CDH11: variants seen among roughly 807,000 people sequenced by gnomAD.
CDH11 encodes cadherin 11.
CDH11 carries 11 observed loss-of-function variants against 67.8 expected under a neutral mutation model. The observed-to-expected ratio is 0.16, with a 90% confidence interval of 0.10 to 0.27. The LOEUF is 0.27. CDH11 is among the 10% of genes least tolerant of loss of function. The pLI is 1.00. For synonymous variants in CDH11, 419 were observed against 400.0 expected (o/e 1.05, Z -0.57); for missense variants, 847 against 1,031.2 (o/e 0.82, Z 2.45).
chr16:65,110,782 G>A lies in CDH11; in HGVS notation c.-298+11098C>T, dbSNP rs558002903. 2.5e-4 allele frequency among the ~76,000 whole-genome samples: 38 copies of A among 152,142 alleles called. 1 individual carries two copies. In the South Asian group the frequency reaches 7.1e-3, roughly 28 times the overall value. ...CTCTCTGGCCCTTTAAGCCCCTGGA[G>A]TAGAAGGAACTCTCTTCCTCCTATA... On this transcript the variant is annotated intron_variant, in intron 1 of 12. Transcript: ENST00000268603.
Position 65,004,858 on chromosome 16 carries a change from G to C in CDH11, c.12C>G (p.Asn4Lys). ...ACACCAGGGCGGCTTGTAAACAGTA[G>C]TTCTCCTTCATTTTTGGTTACGTGG... MKE[N>K]YCLQAALVCL... Residue 4 changes from asparagine (N) to lysine (K), a missense_variant, in exon 3 of 13, where the codon AAC becomes AAG. Physicochemically the swap from Asn to Lys is moderately conservative, Grantham distance 94. Transcript: ENST00000268603. The C allele has an allele frequency of 6.5e-7, 1 of 1,531,762 alleles. No homozygotes were observed. The highest frequency in any genetic ancestry group is 2.5e-5 in the East Asian group (1 of 40,674). 94.9% of individuals were successfully genotyped at this position (1,531,762 alleles called of 1,614,324 possible). A position where few individuals can be genotyped will look rare whatever the true frequency, so the allele number is the denominator to read the frequency against.
intron 2 of CDH11, among the ~76,000 whole-genome samples, chr16:65,040,299 C>G (rs1411546060): frequency 2.0e-5 from 3 of 152,260 alleles, no homozygotes; most frequent in Non-Finnish European, 2.9e-5. Flanking sequence ...AGACTTGGAA[C>G]CAACCCAAAT....
chr16:65,112,004 A>T (rs896727834), intron 1 of CDH11, among the ~76,000 whole-genome samples: 10 of 143,294 alleles, frequency 7.0e-5, no homozygotes, highest in Admixed American at 6.6e-4. Context: ...CGGGAAGTGG[A>T]GGTTGCAATG....
intron 2 of CDH11, among the ~76,000 whole-genome samples, chr16:65,043,206 T>C (rs1472597382): frequency 6.6e-6 from 1 of 152,198 alleles, no homozygotes; most frequent in African/African-American, 2.4e-5. Context: ...GAATAAGCAT[T>C]CAGTGAAAAC....
intron 2 of CDH11, among the ~76,000 whole-genome samples, chr16:65,005,537 T>C (rs753168752): frequency 2.0e-5 from 3 of 152,170 alleles, no homozygotes; most frequent in Non-Finnish European, 4.4e-5. Flanking sequence ...CTCCAAGATG[T>C]TCAGCATGCC....
At chr16:65,068,002 G>T in intron 1 of CDH11, among the ~76,000 whole-genome samples, 1 of 89,102 alleles carries the variant, frequency 1.1e-5, no homozygotes, top group Middle Eastern at 9.1e-3. Flanking sequence ...GAGGGAAGAA[G>T]GGAGGGAGAG....
At chr16:64,998,022 C>A (rs182346574) in intron 4 of CDH11, among the ~76,000 whole-genome samples, 1 of 152,240 alleles carries the variant, frequency 6.6e-6, no homozygotes, top group African/African-American at 2.4e-5. Context: ...TTGAATAAAT[C>A]CTTTAAAAAA....
chr16:65,043,667 G>A (rs189736702), intron 2 of CDH11, among the ~76,000 whole-genome samples: 1 of 152,328 alleles, frequency 6.6e-6, no homozygotes, highest in Admixed American at 6.5e-5. Flanking sequence ...CTGGGGAACT[G>A]GGTGGTGCAT....
At chr16:65,038,944 G>T (rs1048117177) in intron 2 of CDH11, among the ~76,000 whole-genome samples, 1 of 152,184 alleles carries the variant, frequency 6.6e-6, no homozygotes, top group Admixed American at 6.5e-5. Flanking sequence ...ACTCTCTGCA[G>T]AGACACATCA....
intron 2 of CDH11, among the ~76,000 whole-genome samples, chr16:65,033,661 C>T (rs1015355881): frequency 3.3e-5 from 5 of 149,968 alleles, no homozygotes; most frequent in African/African-American, 1.3e-4. Context: ...CGCTTGAAAC[C>T]GGGAGGTGGA....
rs2071159840 is a variant in CDH11 at position 64,944,399 on chromosome 16, T to C, written c.*3204A>G. 4.3e-6 allele frequency: 1 copy of C among 232,484 alleles called. No homozygotes were observed. Among genetic ancestry groups the C allele is most frequent in the African/African-American group, 2.2e-5 (1 of 45,294 alleles). The allele number at this position is 232,484 out of a possible 1,614,324, so 14.4% of individuals were successfully genotyped here. ...TTTCAGGCCCTCATTCTATCTCATA[T>C]TGACCTTTGCAAAAGCCCTCCTGGG... On this transcript the variant is annotated 3_prime_UTR_variant, in exon 13 of 13. Transcript: ENST00000268603.
At chr16:64,983,322 G>C (rs375241261) in intron 7 of CDH11, 32 of 152,240 alleles carry the variant, frequency 2.1e-4, no homozygotes, top group African/African-American at 7.7e-4. Flanking sequence ...GAGTTACAGT[G>C]AATCAGTCAG....
At chr16:65,026,337 T>C in intron 2 of CDH11, among the ~76,000 whole-genome samples, 1 of 152,210 alleles carries the variant, frequency 6.6e-6, no homozygotes, top group African/African-American at 2.4e-5. Context: ...CCCTTTGGTC[T>C]GTATTTAGTT....
chr16:64,989,200 G>A (rs182798865), intron 6 of CDH11, among the ~76,000 whole-genome samples: 79 of 152,086 alleles, frequency 5.2e-4, no homozygotes, highest in African/African-American at 1.8e-3. Flanking sequence ...TGTGGTTGTG[G>A]GTGTGTAAGT....
chr16:64,958,085 G>A (rs780208145), intron 11 of CDH11, among the ~76,000 whole-genome samples: 5 of 152,136 alleles, frequency 3.3e-5, no homozygotes, highest in Admixed American at 1.3e-4. Flanking sequence ...ACAGCCCATC[G>A]TGACTGAATG....
In CDH11 at chr16:64,963,680, G is replaced by T. The variant is rs145546620; in HGVS notation, c.1642+7899C>A. ...ATATTCAAACTACAGAAAAATCAAA[G>T]ATTTTTTAAAAATGCTGAAAGAGGT... On this transcript the variant is annotated intron_variant, in intron 11 of 12. Transcript: ENST00000268603. 2.6e-5 allele frequency among the ~76,000 whole-genome samples: 4 copies of T among 152,016 alleles called. No homozygotes were observed. In the East Asian group the frequency reaches 7.7e-4, roughly 29 times the overall value.
chr16:65,025,909 G>T (rs1416373823), intron 2 of CDH11, among the ~76,000 whole-genome samples: 1 of 152,142 alleles, frequency 6.6e-6, no homozygotes, highest in East Asian at 1.9e-4. Flanking sequence ...AGGTAGTGGG[G>T]AGAGGAGGGA....
At position 64,988,293 on chromosome 16, in the gene CDH11, C is replaced by T; in HGVS notation, c.863G>A (p.Gly288Glu). The T allele has an allele frequency of 1.2e-6, 2 of 1,613,672 alleles. No homozygotes were observed. The highest frequency in any genetic ancestry group is 1.7e-5 in the Admixed American group (1 of 59,982). The change falls in exon 7 of 13, where the codon GGA becomes GAA. Residue 288 changes from glycine (G) to glutamate (E), a missense_variant. Gly to Glu is a moderately conservative substitution (Grantham distance 98). Coordinates refer to ENST00000268603, the MANE Select transcript of CDH11 (RefSeq NM_001797.4). ...SEAAVPGEEV[G>E]RVKAKDPDIG... ...GTCTGGATCTTTAGCTTTCACTCTT[C>T]CTACTTCCTCCCCAGGGACGGCTGC...
Position 65,018,743 on chromosome 16 carries a change from C to T in CDH11, c.-172-13702G>A, listed in dbSNP as rs570443885. On this transcript the variant is annotated intron_variant, in intron 2 of 12. Transcript: ENST00000268603. ...GCTCAATATTTATGAACACAGTTTT[C>T]CAAGAGTGCTTTGGCAGTATGTTTC... Among the ~76,000 whole-genome samples the T allele has an allele frequency of 5.3e-5, 8 of 152,306 alleles. No individual in the cohort carries two copies. The South Asian group carries it at 1.7e-3, about 32-fold the overall frequency.
Sources: allele counts gnomAD v4.1 joint callset (sites outside exome capture counted in the v4.1 genomes callset), GRCh38; gene constraint gnomAD v4.1.1; transcripts MANE v1.5; gene names NCBI Gene and HGNC (gene_info 2026-07-23, HGNC 2026-07-21).